The following PRKAR1B variants were observed in gnomAD, a reference collection of about 807,000 sequenced individuals.
The protein encoded by PRKAR1B is cAMP-dependent protein kinase type I-beta regulatory subunit.
In PRKAR1B, 22 loss-of-function variants were observed where a neutral mutation model predicts 46.5. The observed-to-expected ratio is 0.47, with a 90% CI of 0.34 to 0.68. The LOEUF (loss-of-function observed/expected upper bound fraction) is 0.68, where lower values mean the gene tolerates loss of function less well. Ranked by LOEUF, PRKAR1B falls within the 30% of genes least tolerant of loss-of-function variation. The probability of loss-of-function intolerance (pLI) is 0.01; values close to 1 mark genes in which losing one functional copy is unlikely to be tolerated. For synonymous variants in PRKAR1B, 259 were observed against 217.7 expected, an observed-to-expected ratio of 1.19 and a Z score of -1.67; for missense variants, 445 against 535.6, an observed-to-expected ratio of 0.83 and a Z score of 1.67.
At chr7:608,597 G>A (rs542507991) in intron 4 of PRKAR1B, 1 of 151,554 alleles carries the variant, frequency 6.6e-6, no homozygotes, top group Non-Finnish European at 1.5e-5. Context: ...CTGCAGGAGA[G>A]GTCAGTGTGT....
At chr7:657,581 A>G (rs1375484516) in intron 4 of PRKAR1B, among the ~76,000 whole-genome samples, 1 of 152,170 alleles carries the variant, frequency 6.6e-6, no homozygotes, top group Non-Finnish European at 1.5e-5. Context: ...GACAGGAATG[A>G]GGGGCAGTAC....
chr7:657,256 A>AATGG (rs1219580914), intron 4 of PRKAR1B, among the ~76,000 whole-genome samples: 1 of 93,380 alleles, frequency 1.1e-5, no homozygotes, highest in Non-Finnish European at 2.2e-5. Flanking sequence ...TGGATGGATG[A>AATGG]ATGGACGGAC....
chr7:681,598 G>A (rs912580094), intron 2 of PRKAR1B, among the ~76,000 whole-genome samples: 1 of 152,180 alleles, frequency 6.6e-6, no homozygotes, highest in Non-Finnish European at 1.5e-5. Context: ...CTGGGAGGAG[G>A]GGACTGGAAG....
chr7:625,105 AAGAT>A (rs1339472741), intron 4 of PRKAR1B, among the ~76,000 whole-genome samples: 2 of 152,246 alleles, frequency 1.3e-5, no homozygotes, highest in Admixed American at 6.5e-5. Flanking sequence ...CAGTAACAGA[AAGAT>A]AGATAGGAAA....
intron 4 of PRKAR1B, among the ~76,000 whole-genome samples, chr7:615,825 CAAAA>C (rs71016887): frequency 2.1e-5 from 2 of 94,438 alleles, no homozygotes. Context: ...AAGACTCCAT[CAAAA>C]AAAAAAAAAA....
intron 4 of PRKAR1B, among the ~76,000 whole-genome samples, chr7:646,378 T>C (rs575021759): frequency 1.1e-4 from 17 of 152,348 alleles, no homozygotes; most frequent in Non-Finnish European, 2.2e-4. Context: ...ATTTCAGTGA[T>C]TCTAGAAGGA....
chr7:567,880 G>A (rs561125348), intron 9 of PRKAR1B, among the ~76,000 whole-genome samples: 131 of 152,230 alleles, frequency 8.6e-4, no homozygotes, highest in African/African-American at 3.0e-3. Context: ...GGCTGGGAGA[G>A]GGGGGTGGGG....
chr7:569,629 G>A (rs140650781), intron 9 of PRKAR1B, among the ~76,000 whole-genome samples: 1 of 152,348 alleles, frequency 6.6e-6, no homozygotes, highest in Non-Finnish European at 1.5e-5. Context: ...TCAGAGCCGG[G>A]TGGACCTGTG....
rs977301479 is a variant in PRKAR1B, at chr7:666,290, T to G, written c.440+10939A>C. 7.9e-6 allele frequency among the ~76,000 whole-genome samples: 1 copy of G among 126,698 alleles called. No homozygotes were observed. The highest frequency in any genetic ancestry group is 7.2e-5 in the Admixed American group (1 of 13,836). The allele number at this position is 126,698 out of a possible 152,430, so 83.1% of individuals were successfully genotyped here. A position where few individuals can be genotyped will look rare whatever the true frequency, so the allele number is the denominator to read the frequency against. On this transcript the variant is annotated intron_variant, in intron 4 of 10. Coordinates refer to ENST00000537384, the MANE Select transcript of PRKAR1B (RefSeq NM_001164760.2). The surrounding 1 kb of genome is among the most constrained non-coding windows in gnomAD (Gnocchi z 4.9). ...AGAGCTCCGGAACATGCGGGGCTGC[T>G]TCCCTGGGACACACGCTCCAGGGAC...
chr7:700,834 G>C (rs908641970), intron 2 of PRKAR1B, among the ~76,000 whole-genome samples: 1 of 152,172 alleles, frequency 6.6e-6, no homozygotes, highest in Non-Finnish European at 1.5e-5. Flanking sequence ...TTGCAGAATG[G>C]ATATGACAGA....
intron 9 of PRKAR1B, among the ~76,000 whole-genome samples, chr7:565,869 T>C (rs551335101): frequency 1.3e-5 from 2 of 152,242 alleles, no homozygotes; most frequent in South Asian, 2.1e-4. Context: ...AATATAAACC[T>C]ATCCAGAATC....
At chr7:622,199 G>C (rs1430245985) in intron 4 of PRKAR1B, among the ~76,000 whole-genome samples, 2 of 152,212 alleles carry the variant, frequency 1.3e-5, no homozygotes, top group Non-Finnish European at 2.9e-5. Context: ...ACCTAAGGGG[G>C]ACAACAGAAA....
intron 6 of PRKAR1B, among the ~76,000 whole-genome samples, chr7:604,944 T>C (rs1583287416): frequency 1.3e-5 from 2 of 152,032 alleles, no homozygotes. Context: ...CCGTCTCGGG[T>C]AGCAGAATCC....
intron 4 of PRKAR1B, among the ~76,000 whole-genome samples, chr7:622,306 G>A (rs1783150443): frequency 1.3e-5 from 2 of 152,188 alleles, no homozygotes; most frequent in African/African-American, 4.8e-5. Context: ...GCGAGGTGAG[G>A]GGTGGCAGCA....
intron 4 of PRKAR1B, among the ~76,000 whole-genome samples, chr7:650,928 C>T (rs1247455110): frequency 2.0e-5 from 3 of 152,152 alleles, no homozygotes; most frequent in South Asian, 2.1e-4. Flanking sequence ...CACCGGCCAC[C>T]GAGAGCCCTG....
rs1383210998 is a variant in PRKAR1B at position 666,626 on chromosome 7, T to G, written c.440+10603A>C. Among the ~76,000 whole-genome samples the G allele has an allele frequency of 2.0e-5, 3 of 152,198 alleles. No homozygotes were observed. The highest frequency in any genetic ancestry group is 4.4e-5 in the Non-Finnish European group (3 of 68,008). On this transcript the variant is annotated intron_variant, in intron 4 of 10. Coordinates refer to ENST00000537384, the MANE Select transcript of PRKAR1B (RefSeq NM_001164760.2). The surrounding 1 kb of genome is among the most constrained non-coding windows in gnomAD (Gnocchi z 4.9). Reference sequence around the variant, plus strand: ...GCAACAGGCCAAGGCCCCCTCTCACTGGGTCTCAGAGCTCTGTTCAGTACA... The same window carrying G: ...GCAACAGGCCAAGGCCCCCTCTCACGGGGTCTCAGAGCTCTGTTCAGTACA...
chr7:576,196 C>T (rs570657243), intron 9 of PRKAR1B, among the ~76,000 whole-genome samples: 1 of 149,016 alleles, frequency 6.7e-6, no homozygotes, highest in Non-Finnish European at 1.5e-5. Flanking sequence ...CTCCTCTGCA[C>T]ATGGGCAGGC....
At chr7:654,736 C>T (rs1470723910) in intron 4 of PRKAR1B, among the ~76,000 whole-genome samples, 5 of 151,994 alleles carry the variant, frequency 3.3e-5, no homozygotes, top group African/African-American at 9.7e-5. Flanking sequence ...TCACCATCCT[C>T]ATCACCGTCA....
intron 9 of PRKAR1B, among the ~76,000 whole-genome samples, chr7:566,156 T>TCC (rs1554283450): frequency 1.5e-5 from 1 of 67,424 alleles, no homozygotes; most frequent in Non-Finnish European, 3.4e-5. Flanking sequence ...TCATTACCAT[T>TCC]ACCATCATCA....
Sources: allele counts gnomAD v4.1 joint callset (sites outside exome capture counted in the v4.1 genomes callset), GRCh38; gene constraint gnomAD v4.1.1; non-coding constraint Gnocchi (gnomAD v3.1); transcripts MANE v1.5; gene names NCBI Gene and HGNC (gene_info 2026-07-23, HGNC 2026-07-21).